Variants in COL4A4 observed in about 807,000 individuals in gnomAD.
The protein encoded by COL4A4 is collagen type IV alpha 4 chain.
COL4A4 carries 105 observed loss-of-function variants against 192.9 expected under a neutral mutation model. The observed-to-expected ratio is 0.54, with a 90% CI of 0.46 to 0.64. The LOEUF (loss-of-function observed/expected upper bound fraction) is 0.64. Ranked by LOEUF, COL4A4 falls within the 30% of genes least tolerant of loss-of-function variation. The pLI is 0.00. For missense variants in COL4A4, 1,967 were observed against 2,169.3 expected (o/e 0.91, Z 1.85); for synonymous variants, 762 against 769.9 (o/e 0.99, Z 0.17).
intron 4 of COL4A4, among the ~76,000 whole-genome samples, chr2:227,125,497 C>T (rs1232137718): frequency 1.3e-5 from 2 of 151,834 alleles, no homozygotes; most frequent in African/African-American, 4.8e-5. Flanking sequence ...GTGTGAGCCA[C>T]TGCACCCTGC....
At chr2:226,981,078 A>G in the COL4A4 span, among the ~76,000 whole-genome samples, 1 of 152,134 alleles carries the variant, frequency 6.6e-6, no homozygotes, top group South Asian at 2.1e-4. Context: ...TTTGTAAGAG[A>G]TGTTAGGTTT....
chr2:227,033,362 G>C lies in COL4A4; in HGVS notation c.3577+48C>G, dbSNP rs144111732. On this transcript the variant is annotated intron_variant, in intron 38 of 47. Transcript: ENST00000396625. Reference sequence around the variant, plus strand: ...CAGGGAGGGTACCACTTTCTCTCATGAACCATGGACTGAAGCTCAGTCTGT... The same window carrying C: ...CAGGGAGGGTACCACTTTCTCTCATCAACCATGGACTGAAGCTCAGTCTGT... The C allele has an allele frequency of 2.8e-4, 408 of 1,482,404 alleles. 1 individual carries two copies. The African/African-American group carries it at 5.3e-3, about 19-fold the overall frequency. 91.8% of individuals were successfully genotyped at this position (1,482,404 alleles called of 1,614,324 possible). A position where few individuals can be genotyped will look rare whatever the true frequency, so the allele number is the denominator to read the frequency against.
chr2:227,155,932 C>T (rs2064302801), intron 1 of COL4A4, among the ~76,000 whole-genome samples: 1 of 152,208 alleles, frequency 6.6e-6, no homozygotes, highest in African/African-American at 2.4e-5. Context: ...CCTGTGAACA[C>T]TTCATTTCTC....
chr2:227,150,904 CTTT>C (rs113668248), intron 1 of COL4A4, among the ~76,000 whole-genome samples: 31 of 148,810 alleles, frequency 2.1e-4, no homozygotes, highest in African/African-American at 3.0e-4. Context: ...ATCAGCCCTC[CTTT>C]TTTTTTTTTT....
intron 37 of COL4A4, among the ~76,000 whole-genome samples, chr2:227,040,023 C>T (rs1012050946): frequency 6.6e-6 from 1 of 152,174 alleles, no homozygotes; most frequent in Non-Finnish European, 1.5e-5. Flanking sequence ...CACAGACTTG[C>T]ACCAAGTAAT....
chr2:226,991,986 A>G, the COL4A4 span, among the ~76,000 whole-genome samples: 4 of 152,182 alleles, frequency 2.6e-5, no homozygotes, highest in East Asian at 1.9e-4. Context: ...GACACCTCCT[A>G]CCACCCCAAG....
chr2:227,142,089 A>C (rs947395432), intron 3 of COL4A4, among the ~76,000 whole-genome samples: 1 of 111,334 alleles, frequency 9.0e-6, no homozygotes. Context: ...AAAATAGATT[A>C]GTAGATTCAA....
intron 23 of COL4A4, 74 bp from the exon 24 acceptor site, chr2:227,080,623 A>G: frequency 7.7e-7 from 1 of 1,299,634 alleles, no homozygotes; most frequent in Middle Eastern, 1.9e-4. Flanking sequence ...GACAAAAAAT[A>G]AAGAAAATGA....
At chr2:227,132,567 G>A (rs2062548794) in intron 4 of COL4A4, among the ~76,000 whole-genome samples, 1 of 152,198 alleles carries the variant, frequency 6.6e-6, no homozygotes, top group Non-Finnish European at 1.5e-5. Flanking sequence ...CTTGAGGCCA[G>A]GAATTCAAGA....
intron 4 of COL4A4, among the ~76,000 whole-genome samples, chr2:227,137,114 G>A (rs924332546): frequency 2.0e-5 from 3 of 152,160 alleles, no homozygotes; most frequent in Admixed American, 1.3e-4. Flanking sequence ...CCTTGACCAC[G>A]CAGACACAAA....
At chr2:227,140,939 G>A (rs1273037077) in intron 3 of COL4A4, among the ~76,000 whole-genome samples, 1 of 148,552 alleles carries the variant, frequency 6.7e-6, no homozygotes, top group East Asian at 2.0e-4. Flanking sequence ...GGAAGAATCA[G>A]CTCCTTGTTC....
the COL4A4 span, among the ~76,000 whole-genome samples, chr2:226,994,050 G>GC: frequency 1.3e-5 from 2 of 152,312 alleles, no homozygotes; most frequent in African/African-American, 4.8e-5. Context: ...TGGGTCCAAG[G>GC]CCATGTGTGC....
At chr2:227,127,895 A>C (rs1374124107) in intron 4 of COL4A4, among the ~76,000 whole-genome samples, 2 of 152,220 alleles carry the variant, frequency 1.3e-5, no homozygotes, top group African/African-American at 4.8e-5. Flanking sequence ...ACAAACAGGA[A>C]AGATGCTTTT....
intron 4 of COL4A4, among the ~76,000 whole-genome samples, chr2:227,134,285 A>C (rs920984437): frequency 1.3e-5 from 2 of 152,178 alleles, no homozygotes; most frequent in Non-Finnish European, 2.9e-5. Context: ...CAGGGACTTC[A>C]TTTACCAGGG....
intron 35 of COL4A4, among the ~76,000 whole-genome samples, chr2:227,045,161 A>T (rs889757785): frequency 6.6e-6 from 1 of 152,180 alleles, no homozygotes; most frequent in African/African-American, 2.4e-5. Flanking sequence ...GATGATGGTG[A>T]TGATGACAAT....
chr2:227,021,718 G>A (rs1246886650), intron 44 of COL4A4, among the ~76,000 whole-genome samples: 5 of 152,072 alleles, frequency 3.3e-5, no homozygotes, highest in Admixed American at 2.0e-4. Flanking sequence ...CCAGCTACTC[G>A]GGAGGCTGAG....
At chr2:227,056,239 A>G in intron 29 of COL4A4, 124 bp from the exon 30 acceptor site, 1 of 819,138 alleles carries the variant, frequency 1.2e-6, no homozygotes, top group Non-Finnish European at 2.1e-6. Context: ...TGTTGGCTAA[A>G]ATAACAGTAG....
rs374994488 is a variant in COL4A4, at chr2:227,103,988, A to G, written c.800T>C (p.Leu267Pro). The G allele has an allele frequency of 1.2e-6, 2 of 1,613,404 alleles. No homozygotes were observed. Among genetic ancestry groups the G allele is most frequent in the Non-Finnish European group, 1.7e-6 (2 of 1,179,646 alleles). The change falls in exon 13 of 48, where the codon CTC becomes CCC. Residue 267 changes from leucine to proline, a missense_variant. Coordinates refer to ENST00000396625, the MANE Select transcript of COL4A4 (RefSeq NM_000092.5). ...TLLVEPPDFC[L>P]YKGEKGIKGI... ...GGGAATTACCTTTTCTCCTTTATAG[A>G]GACAAAAGTCAGGTGGCTCTACCAA...
At chr2:227,000,827 G>A (rs1036408901), downstream of COL4A4, among the ~76,000 whole-genome samples, 1 of 152,052 alleles carries the variant, frequency 6.6e-6, no homozygotes, top group African/African-American at 2.4e-5. Context: ...TCTTTCCCAT[G>A]CTGTTCTTGT....
Sources: allele counts gnomAD v4.1 joint callset (sites outside exome capture counted in the v4.1 genomes callset), GRCh38; gene constraint gnomAD v4.1.1; transcripts MANE v1.5; gene names NCBI Gene and HGNC (gene_info 2026-07-23, HGNC 2026-07-21).